Variants in CBR4 observed in about 807,000 individuals in gnomAD.
CBR4 encodes 3-oxoacyl-[acyl-carrier-protein] reductase.
In CBR4, 22 loss-of-function variants were observed where a neutral mutation model predicts 21.0. The observed-to-expected ratio is 1.05, with a 90% CI of 0.75 to 1.50. The LOEUF is 1.50. Ranked by LOEUF, CBR4 falls within the 40% of genes most tolerant of loss-of-function variation. The probability of loss-of-function intolerance (pLI) is 0.00; values close to 1 mark genes in which losing one functional copy is unlikely to be tolerated. For missense variants in CBR4, 302 were observed against 286.3 expected, an observed-to-expected ratio of 1.05 and a Z score of -0.40; for synonymous variants, 100 against 104.4, an observed-to-expected ratio of 0.96 and a Z score of 0.26.
At chr4:168,916,536 T>C (rs1322797954) in intron 2 of CBR4, among the ~76,000 whole-genome samples, 1 of 152,178 alleles carries the variant, frequency 6.6e-6, no homozygotes, top group African/African-American at 2.4e-5. Flanking sequence ...TACATGACAT[T>C]ACTCTAGAAA....
At chr4:168,927,461 T>TA (rs1762707110) in intron 2 of CBR4, 1 of 232,680 alleles carries the variant, frequency 4.3e-6, no homozygotes. Flanking sequence ...GTGGAAGATT[T>TA]TAGGTATGTA....
intron 2 of CBR4, among the ~76,000 whole-genome samples, chr4:168,930,605 A>G (rs1762948391): frequency 6.6e-6 from 1 of 152,158 alleles, no homozygotes; most frequent in Non-Finnish European, 1.5e-5. Context: ...ACAAACAGTT[A>G]ACATTCAACT....
rs969775170 is a variant in CBR4 at position 168,995,096 on chromosome 4, T to C, written c.536-4768A>G. Among the ~76,000 whole-genome samples, 5 of 152,270 alleles carry C rather than the reference T, an allele frequency of 3.3e-5. No homozygotes were observed. In the East Asian group the frequency reaches 5.8e-4, roughly 18 times the overall value. ...GCCCTACAACACTACGATTCAAAGA[T>C]TAAAAGTATGCCTCATTAAGTACTC... On this transcript the variant is annotated intron_variant, in intron 4 of 4. Coordinates refer to ENST00000306193, the MANE Select transcript of CBR4 (RefSeq NM_032783.5).
At chr4:168,965,267 A>C (rs1017103440) in intron 2 of CBR4, among the ~76,000 whole-genome samples, 1 of 152,252 alleles carries the variant, frequency 6.6e-6, no homozygotes, top group African/African-American at 2.4e-5. Flanking sequence ...GGACACAAAC[A>C]AATGTAAAAA....
At chr4:168,929,305 T>C (rs761808899) in intron 2 of CBR4, among the ~76,000 whole-genome samples, 22 of 152,334 alleles carry the variant, frequency 1.4e-4, no homozygotes, top group Non-Finnish European at 2.4e-4. Flanking sequence ...AAGAGAAAGC[T>C]GGTCATTTAT....
At chr4:168,953,613 C>T (rs779868216) in intron 2 of CBR4, among the ~76,000 whole-genome samples, 8 of 150,916 alleles carry the variant, frequency 5.3e-5, no homozygotes, top group Non-Finnish European at 7.4e-5. Context: ...TTTATAGAGA[C>T]AGGATCTCGT....
chr4:169,009,807 G>T, intron 1 of CBR4, 141 bp downstream of exon 1: 2 of 753,010 alleles, frequency 2.7e-6, no homozygotes, highest in Non-Finnish European at 4.1e-6. Context: ...TTCTACCCTT[G>T]GAACGGGAGA....
At chr4:168,907,470 TGTGCCACAA>T (rs1290922115) in intron 2 of CBR4, among the ~76,000 whole-genome samples, 1 of 152,164 alleles carries the variant, frequency 6.6e-6, no homozygotes, top group Non-Finnish European at 1.5e-5. Context: ...CAGATGTGGC[TGTGCCACAA>T]CTGCCACAGC....
intron 2 of CBR4, among the ~76,000 whole-genome samples, chr4:169,007,213 G>A (rs1245500358): frequency 6.6e-6 from 1 of 152,124 alleles, no homozygotes; most frequent in Non-Finnish European, 1.5e-5. Flanking sequence ...GCCTTGTTTA[G>A]CAAGAAAATT....
Position 168,989,270 on chromosome 4 carries a change from T to C in CBR4, c.*880A>G. 1 of 985,092 alleles carries C rather than the reference T, an allele frequency of 1.0e-6. No individual in the cohort carries two copies. 61.0% of individuals were successfully genotyped at this position (985,092 alleles called of 1,614,324 possible). Reference sequence around the variant, plus strand: ...TTAATAGTTCACTATTCTAAGTTTTTCATGAATAAAAAACACATCCTAAGT... The same window carrying C: ...TTAATAGTTCACTATTCTAAGTTTTCCATGAATAAAAAACACATCCTAAGT... On this transcript the variant is annotated 3_prime_UTR_variant, in exon 5 of 5. Coordinates refer to ENST00000306193, the MANE Select transcript of CBR4 (RefSeq NM_032783.5).
intron 3 of CBR4, among the ~76,000 whole-genome samples, chr4:169,004,511 G>C (rs558231706): frequency 8.9e-4 from 136 of 152,254 alleles, no homozygotes; most frequent in African/African-American, 3.0e-3. Flanking sequence ...AAGTTTATAG[G>C]ATATTCTAAA....
In CBR4 at chr4:169,002,212, CAAAAAAAAAA is replaced by C. The variant is rs60552620; in HGVS notation, c.401-17_401-8del. The C allele has an allele frequency of 1.6e-3, 1,629 of 1,013,442 alleles. No homozygotes were observed. Among genetic ancestry groups the C allele is most frequent in the East Asian group, 3.7e-3 (99 of 26,638 alleles). 62.8% of individuals were successfully genotyped at this position (1,013,442 alleles called of 1,614,324 possible). A position where few individuals can be genotyped will look rare whatever the true frequency, so the allele number is the denominator to read the frequency against. On this transcript the variant is annotated splice_region_variant and splice_polypyrimidine_tract_variant and intron_variant, in intron 3 of 4. Transcript: ENST00000306193. ...TTTAAGCCAACAATGCTTCCTAGGA[CAAAAAAAAAA>C]AAAAAAAAAAAAAAAGCGTATTAAA...
intron 2 of CBR4, among the ~76,000 whole-genome samples, chr4:168,899,292 T>A (rs1755933411): frequency 6.6e-6 from 1 of 152,062 alleles, no homozygotes; most frequent in Admixed American, 6.6e-5. Flanking sequence ...AAATGCTGGA[T>A]AAGGAGCTGC....
chr4:168,995,637 G>A (rs147002329), intron 4 of CBR4, among the ~76,000 whole-genome samples: 1 of 152,116 alleles, frequency 6.6e-6, no homozygotes, highest in Non-Finnish European at 1.5e-5. Context: ...TAAAACTCTG[G>A]AAATTTTGCT....
At chr4:168,959,500 C>T (rs539314956) in intron 2 of CBR4, among the ~76,000 whole-genome samples, 7 of 150,400 alleles carry the variant, frequency 4.7e-5, no homozygotes, top group African/African-American at 1.7e-4. Context: ...TTTTATAAAA[C>T]TGCTTTGGCT....
In CBR4 at chr4:168,990,352, T is replaced by C. The variant is rs775917518; in HGVS notation, c.536-24A>G. 4 of 1,557,148 alleles carry C rather than the reference T, an allele frequency of 2.6e-6. No individual in the cohort carries two copies. In the African/African-American group the frequency reaches 5.5e-5, roughly 22 times the overall value. On this transcript the variant is annotated intron_variant, in intron 4 of 4. Transcript: ENST00000306193. ...TCCTAAAAGAGAAATGTTTGTTTAGTTGAAAAGGGTACACACTAAGACATC... is the reference window on the plus strand; with the variant it reads ...TCCTAAAAGAGAAATGTTTGTTTAGCTGAAAAGGGTACACACTAAGACATC...
intron 2 of CBR4, among the ~76,000 whole-genome samples, chr4:168,933,081 TA>T (rs896538989): frequency 5.9e-5 from 9 of 151,536 alleles, no homozygotes; most frequent in African/African-American, 1.9e-4. Context: ...GCCACAAAAA[TA>T]AACAATAAGG....
chr4:168,937,235 A>G (rs1475674382), intron 2 of CBR4, among the ~76,000 whole-genome samples: 1 of 152,198 alleles, frequency 6.6e-6, no homozygotes, highest in Non-Finnish European at 1.5e-5. Context: ...AAGGAGAAAT[A>G]AAATCCTTTA....
chr4:168,916,002 G>C lies in CBR4; in HGVS notation n.170-21237C>G, dbSNP rs1043925326. On this transcript the variant is annotated intron_variant and non_coding_transcript_variant, in intron 2 of 3. Coordinates refer to the CBR4 transcript ENST00000509108. ...CCTGGAGATCTGACTGTTCAAGAAG[G>C]AAAACTCTGCAGAATGGACTGCAAA... 1 of 1,613,884 alleles carries C rather than the reference G, an allele frequency of 6.2e-7. No individual in the cohort carries two copies. The highest frequency in any genetic ancestry group is 8.5e-7 in the Non-Finnish European group (1 of 1,179,854).
Sources: gnomAD v4.1 joint callset for allele counts (sites outside exome capture counted in the v4.1 genomes callset) on GRCh38, gnomAD v4.1.1 for gene constraint, MANE v1.5 for transcripts, NCBI Gene and HGNC (gene_info 2026-07-23, HGNC 2026-07-21) for gene names.